Variants in KLHL36 observed in about 807,000 individuals in gnomAD.
KLHL36 encodes the protein kelch like family member 36.
Under a neutral mutation model 53.3 loss-of-function variants are expected in KLHL36, and 35 were observed. The observed-to-expected ratio is 0.66, with a 90% CI of 0.50 to 0.87. The LOEUF (loss-of-function observed/expected upper bound fraction) is 0.87. Among genes scored for constraint, KLHL36 ranks in the 40% least tolerant of loss-of-function variants. The pLI is 0.00. For synonymous variants in KLHL36, 472 were observed against 398.9 expected (o/e 1.18, Z -2.18); for missense variants, 864 against 897.6 (o/e 0.96, Z 0.48).
chr16:84,659,525 C>A (rs1907419182), intron 3 of KLHL36: 3 of 500,842 alleles, frequency 6.0e-6, no homozygotes, highest in South Asian at 2.7e-5. Context: ...CTCCATCCCC[C>A]TTTTGGGGAC....
chr16:84,654,998 A>G (rs1021992307), intron 2 of KLHL36, among the ~76,000 whole-genome samples: 1 of 152,196 alleles, frequency 6.6e-6, no homozygotes, highest in African/African-American at 2.4e-5. Context: ...TCTAAAAATG[A>G]GAAAAAATTT....
At chr16:84,652,333 C>T (rs376352764) in intron 2 of KLHL36, among the ~76,000 whole-genome samples, 5 of 151,692 alleles carry the variant, frequency 3.3e-5, no homozygotes, top group African/African-American at 1.2e-4. Flanking sequence ...TACAGTGGTG[C>T]GATCATAGCT....
At chr16:84,653,031 A>G (rs1906992200) in intron 2 of KLHL36, among the ~76,000 whole-genome samples, 1 of 152,044 alleles carries the variant, frequency 6.6e-6, no homozygotes, top group African/African-American at 2.4e-5. Flanking sequence ...AGCTTGGACA[A>G]CACGGCTAAA....
At position 84,656,306 on chromosome 16, in the gene KLHL36, G is replaced by A. The variant is rs1232533088; in HGVS notation, c.64-565G>A. Among the ~76,000 whole-genome samples, 9 of 150,334 alleles carry A rather than the reference G, an allele frequency of 6.0e-5. 1 individual carries two copies. The highest frequency in any genetic ancestry group is 4.0e-4 in the Admixed American group (6 of 15,126). On this transcript the variant is annotated intron_variant, in intron 2 of 4. Coordinates refer to ENST00000564996, the MANE Select transcript of KLHL36 (RefSeq NM_024731.4). ...TTTTTTGAGACGGAGTTCTTGCTCT[G>A]TCTCCCAGGCTGGAGTGTAGTGGTG...
Position 84,666,200 on chromosome 16 carries a change from A to C in KLHL36, c.*4067A>C, listed in dbSNP as rs993871898. ...AAATGTTTTGATACTTTTTGATACA[A>C]TTTGCTAATAACTGTTTTGTAGAAT... On this transcript the variant is annotated 3_prime_UTR_variant, in exon 5 of 5. Transcript: ENST00000564996. 2.6e-4 allele frequency: 39 copies of C among 152,136 alleles called. No individual in the cohort carries two copies. Among genetic ancestry groups the C allele is most frequent in the African/African-American group, 8.9e-4 (37 of 41,410 alleles). The allele number at this position is 152,136 out of a possible 1,614,324, so 9.4% of individuals were successfully genotyped here.
At position 84,648,575 on chromosome 16, in the gene KLHL36, C is replaced by T. The variant is rs1263729723; in HGVS notation, c.-91C>T. On this transcript the variant is annotated 5_prime_UTR_variant, in exon 1 of 5. Transcript: ENST00000564996. This position sits in a 1 kb window ranked among gnomAD's most constrained non-coding sequence, Gnocchi z 4.9. ...CGGGCTGGCCGGGGGTCTCCTGAAC[C>T]CGGGCCCCGCCGCCCCGACCGCCCG... The T allele has an allele frequency of 6.8e-6, 1 of 147,638 alleles. No individual in the cohort carries two copies. Among genetic ancestry groups the T allele is most frequent in the Admixed American group, 6.8e-5 (1 of 14,804 alleles). 9.1% of individuals were successfully genotyped at this position (147,638 alleles called of 1,614,324 possible).
In KLHL36 at chr16:84,654,577, AGTTTTGTTTTGTTTTGTTTT is replaced by A. The variant is rs141914382; in HGVS notation, c.64-2253_64-2234del. Among the ~76,000 whole-genome samples, 1,041 of 148,058 alleles carry A rather than the reference AGTTTTGTTTTGTTTTGTTTT, an allele frequency of 7.0e-3. 8 individuals are homozygous for A. The highest frequency in any genetic ancestry group is 0.013 in the South Asian group (58 of 4,542). Reference sequence around the variant, plus strand: ...TGAAGTGGAGGGATTGCTTGAGACTAGTTTTGTTTTGTTTTGTTTTGTTTTGTTTTGTTTTGTTTTGTTTT... The same window carrying A: ...TGAAGTGGAGGGATTGCTTGAGACTAGTTTTGTTTTGTTTTGTTTTGTTTT... On this transcript the variant is annotated intron_variant, in intron 2 of 4. Coordinates refer to ENST00000564996, the MANE Select transcript of KLHL36 (RefSeq NM_024731.4).
In KLHL36 at chr16:84,667,014, G is replaced by C. The variant is rs8058266; in HGVS notation, c.*4881G>C. The C allele has an allele frequency of 6.7e-6, 1 of 148,998 alleles. No homozygotes were observed. The highest frequency in any genetic ancestry group is 1.5e-5 in the Non-Finnish European group (1 of 67,536). The allele number at this position is 148,998 out of a possible 1,614,324, so 9.2% of individuals were successfully genotyped here. A position where few individuals can be genotyped will look rare whatever the true frequency, so the allele number is the denominator to read the frequency against. The stretch of plus-strand genomic sequence containing the variant: ...GAGGCAGAGGTTGCAGTGAGCCGAG[G>C]TTGCGCCACTGCACTCCAGCCTGGG... On this transcript the variant is annotated 3_prime_UTR_variant, in exon 5 of 5. Transcript: ENST00000564996.
At chr16:84,658,093 G>A (rs1347379103) in intron 3 of KLHL36, 149 bp downstream of exon 3, 22 of 647,072 alleles carry the variant, frequency 3.4e-5, no homozygotes, top group South Asian at 2.1e-4. Context: ...AGAATACCCC[G>A]GGGCCTACAT....
At chr16:84,656,049 C>T (rs887185478) in intron 2 of KLHL36, among the ~76,000 whole-genome samples, 6 of 150,982 alleles carry the variant, frequency 4.0e-5, no homozygotes, top group Admixed American at 1.3e-4. Context: ...AATGCCACCA[C>T]GCCCACCTAA....
rs1280827687 is a variant in KLHL36, at chr16:84,662,312, A to C, written c.*179A>C. ...AATTAAATACTATCTGTAACTTTAC[A>C]TATCTTGCTTGAATAACTAACCCTG... On this transcript the variant is annotated 3_prime_UTR_variant, in exon 5 of 5. Coordinates refer to ENST00000564996, the MANE Select transcript of KLHL36 (RefSeq NM_024731.4). 9.8e-6 allele frequency: 6 copies of C among 615,112 alleles called. No homozygotes were observed. The highest frequency in any genetic ancestry group is 1.6e-5 in the Non-Finnish European group (6 of 369,778). 38.1% of individuals were successfully genotyped at this position (615,112 alleles called of 1,614,324 possible).
intron 1 of KLHL36, 107 bp from the exon 2 acceptor site, chr16:84,650,745 C>G: frequency 1.3e-6 from 1 of 762,166 alleles, no homozygotes. Flanking sequence ...CTCCTTCTTC[C>G]GTGTGACTGT....
At chr16:84,658,217 C>T (rs12444911) in intron 3 of KLHL36, 84,687 of 327,386 alleles carry the variant, frequency 0.26, 12,400 homozygotes, top group Non-Finnish European at 0.32. Flanking sequence ...CTGTACTTCC[C>T]GATACGGTAG....
At chr16:84,651,722 T>C (rs35742287) in intron 2 of KLHL36, among the ~76,000 whole-genome samples, 34,113 of 152,088 alleles carry the variant, frequency 0.22, 4,316 homozygotes, top group Non-Finnish European at 0.28. Flanking sequence ...AAATTGGTTC[T>C]CGGGAGGGTG....
intron 3 of KLHL36, 59 bp downstream of exon 3, chr16:84,658,003 T>G: frequency 1.6e-6 from 2 of 1,276,494 alleles, no homozygotes; most frequent in Non-Finnish European, 1.1e-6. Flanking sequence ...TTCCTTAACC[T>G]AGCCTTGACT....
chr16:84,665,918 A>G lies in KLHL36; in HGVS notation c.*3785A>G, dbSNP rs544818139. On this transcript the variant is annotated 3_prime_UTR_variant, in exon 5 of 5. Transcript: ENST00000564996. The stretch of plus-strand genomic sequence containing the variant: ...CCTTCACCCTGGTCCTCCATGGTGC[A>G]GCAGCATCTCATGGGCCTTGTGGCT... 3 of 152,240 alleles carry G rather than the reference A, an allele frequency of 2.0e-5. No individual in the cohort carries two copies. Among genetic ancestry groups the G allele is most frequent in the Admixed American group, 6.5e-5 (1 of 15,278 alleles). 9.4% of individuals were successfully genotyped at this position (152,240 alleles called of 1,614,324 possible). A position where few individuals can be genotyped will look rare whatever the true frequency, so the allele number is the denominator to read the frequency against.
rs750226879 is a variant in KLHL36 at position 84,657,869 on chromosome 16, C to T, written c.1062C>T (p.Phe354=). ...TCATCTTCATCGCCGGCGGCAGCTT[C>T]TCACGGGACAACGGAGGGGATGCGG... ...GGFIFIAGGS[F]SRDNGGDAAS... is the part of the protein sequence containing the mutation. The change falls in exon 3 of 5, where the codon TTC becomes TTT. Residue 354 remains phenylalanine, a synonymous_variant. Coordinates refer to ENST00000564996, the MANE Select transcript of KLHL36 (RefSeq NM_024731.4). 17 of 1,588,982 alleles carry T rather than the reference C, an allele frequency of 1.1e-5. No homozygotes were observed. Among genetic ancestry groups the T allele is most frequent in the Non-Finnish European group, 1.5e-5 (17 of 1,165,100 alleles).
At chr16:84,651,423 G>C (rs1489465238) in intron 2 of KLHL36, among the ~76,000 whole-genome samples, 2 of 152,134 alleles carry the variant, frequency 1.3e-5, no homozygotes, top group Admixed American at 6.5e-5. Flanking sequence ...CCCAGAGCCA[G>C]GCTACTGGGG....
intron 2 of KLHL36, among the ~76,000 whole-genome samples, chr16:84,651,610 A>G (rs966988696): frequency 1.3e-5 from 2 of 152,086 alleles, no homozygotes; most frequent in Non-Finnish European, 2.9e-5. Context: ...AATATTCGTA[A>G]TGCCCTCTGT....
Sources: gnomAD v4.1 joint callset for allele counts (sites outside exome capture counted in the v4.1 genomes callset) on GRCh38, gnomAD v4.1.1 for gene constraint, Gnocchi (gnomAD v3.1) non-coding constraint, MANE v1.5 for transcripts, NCBI Gene and HGNC (gene_info 2026-07-23, HGNC 2026-07-21) for gene names.